Variants in KCNQ5 observed in about 807,000 individuals in gnomAD.
KCNQ5 encodes the protein potassium voltage-gated channel subfamily Q member 5.
Under a neutral mutation model 98.2 loss-of-function variants are expected in KCNQ5, and 30 were observed. The ratio of observed to expected loss-of-function variants is 0.31; its 90% confidence interval spans 0.23 to 0.41. The LOEUF is 0.41. Ranked by LOEUF, KCNQ5 falls within the 10% of genes least tolerant of loss-of-function variation. The pLI, the probability that KCNQ5 is intolerant of heterozygous loss-of-function variation, is 1.00. For synonymous variants in KCNQ5, 458 were observed against 449.4 expected, an observed-to-expected ratio of 1.02 and a Z score of -0.24; for missense variants, 835 against 1,182.5, an observed-to-expected ratio of 0.71 and a Z score of 4.31.
rs1554203585 is a variant in KCNQ5 at position 73,063,721 on chromosome 6, T to TAGATAGATAGATAGATGATA, written c.617-13601_617-13600insAGATAGATAGATAGATGATA. Among the ~76,000 whole-genome samples, 209 of 95,998 alleles carry TAGATAGATAGATAGATGATA rather than the reference T, an allele frequency of 2.2e-3. 1 individual carries two copies. The highest frequency in any genetic ancestry group is 3.2e-3 in the Admixed American group (29 of 9,190). 63.0% of individuals were successfully genotyped at this position (95,998 alleles called of 152,430 possible). A position where few individuals can be genotyped will look rare whatever the true frequency, so the allele number is the denominator to read the frequency against. On this transcript the variant is annotated intron_variant, in intron 3 of 13. Coordinates refer to ENST00000370398, the MANE Select transcript of KCNQ5 (RefSeq NM_019842.4). ...ATAGATAGATAGATAGATAGATAGA[T>TAGATAGATAGATAGATGATA]GATAGATAGATAGATAGATAGATAG...
At chr6:73,012,801 A>G (rs1008261997) in intron 2 of KCNQ5, among the ~76,000 whole-genome samples, 2 of 152,072 alleles carry the variant, frequency 1.3e-5, no homozygotes, top group Admixed American at 1.3e-4. Context: ...CACATCCTGC[A>G]CGTGTACCCC....
chr6:72,900,701 T>C (rs1267261123), intron 1 of KCNQ5, among the ~76,000 whole-genome samples: 1 of 152,020 alleles, frequency 6.6e-6, no homozygotes, highest in Non-Finnish European at 1.5e-5. Context: ...ATAGTAGTTC[T>C]GCTTTTAGTT....
chr6:72,904,581 C>T (rs573508310), intron 1 of KCNQ5, among the ~76,000 whole-genome samples: 50 of 152,270 alleles, frequency 3.3e-4, no homozygotes, highest in Middle Eastern at 3.4e-3. Context: ...ATTCTCTCAG[C>T]ATTTGTTTTT....
At chr6:73,174,509 A>T (rs1778141102) in intron 11 of KCNQ5, among the ~76,000 whole-genome samples, 1 of 152,192 alleles carries the variant, frequency 6.6e-6, no homozygotes, top group Non-Finnish European at 1.5e-5. Context: ...TTTCTTTCCC[A>T]GGCCAGACTA....
chr6:73,120,362 G>A, intron 7 of KCNQ5, 121 bp from the exon 8 acceptor site: 1 of 604,454 alleles, frequency 1.7e-6, no homozygotes, highest in Non-Finnish European at 2.7e-6. Context: ...GTATTTATCA[G>A]GGCTAAGTAT....
intron 1 of KCNQ5, among the ~76,000 whole-genome samples, chr6:72,981,528 T>C (rs1768450045): frequency 6.6e-6 from 1 of 152,050 alleles, no homozygotes; most frequent in African/African-American, 2.4e-5. Context: ...TTTTATTGCA[T>C]CTATTTGATT....
At chr6:72,767,509 A>C (rs1287679049) in intron 1 of KCNQ5, among the ~76,000 whole-genome samples, 1 of 151,984 alleles carries the variant, frequency 6.6e-6, no homozygotes, top group East Asian at 1.9e-4. Flanking sequence ...AAGTTAAAAA[A>C]TTTTTGTGCT....
chr6:73,100,103 A>G (rs1180233958), intron 5 of KCNQ5, among the ~76,000 whole-genome samples: 1 of 152,250 alleles, frequency 6.6e-6, no homozygotes, highest in Non-Finnish European at 1.5e-5. Flanking sequence ...CAATGGGTCA[A>G]TGAAGAGATT....
chr6:72,665,385 A>C (rs1022297289), intron 1 of KCNQ5, among the ~76,000 whole-genome samples: 2 of 151,486 alleles, frequency 1.3e-5, no homozygotes, highest in Admixed American at 1.3e-4. Context: ...CTGTGAGTTG[A>C]GGATAAAACC....
At chr6:72,815,653 G>A (rs1775472237) in intron 1 of KCNQ5, among the ~76,000 whole-genome samples, 1 of 152,160 alleles carries the variant, frequency 6.6e-6, no homozygotes, top group African/African-American at 2.4e-5. Flanking sequence ...CAGAGTAGTA[G>A]CATGATCAGA....
intron 1 of KCNQ5, among the ~76,000 whole-genome samples, chr6:72,689,246 A>C (rs941079123): frequency 1.3e-5 from 2 of 152,234 alleles, no homozygotes; most frequent in African/African-American, 4.8e-5. Flanking sequence ...AGAATGAGTA[A>C]GAGCAGAGAC....
chr6:72,809,371 A>G (rs926995708), intron 1 of KCNQ5, among the ~76,000 whole-genome samples: 5 of 151,832 alleles, frequency 3.3e-5, no homozygotes, highest in African/African-American at 9.7e-5. Context: ...GTGCACATGT[A>G]CCCTAAAACT....
intron 10 of KCNQ5, among the ~76,000 whole-genome samples, chr6:73,149,160 A>G (rs1363141247): frequency 6.6e-6 from 1 of 152,212 alleles, no homozygotes; most frequent in African/African-American, 2.4e-5. Flanking sequence ...TAGTGAAATG[A>G]AACAAGATGG....
intron 1 of KCNQ5, among the ~76,000 whole-genome samples, chr6:72,653,700 G>T (rs1307335199): frequency 6.6e-6 from 1 of 151,804 alleles, no homozygotes; most frequent in Non-Finnish European, 1.5e-5. Context: ...TCTTGCTAAG[G>T]ATACTCATTT....
At chr6:73,128,219 T>C (rs937702878) in intron 9 of KCNQ5, among the ~76,000 whole-genome samples, 4 of 152,226 alleles carry the variant, frequency 2.6e-5, no homozygotes, top group Non-Finnish European at 5.9e-5. Flanking sequence ...GCCTGCTGTT[T>C]TTTCCTCTAC....
At chr6:72,804,436 T>G (rs1392584723) in intron 1 of KCNQ5, among the ~76,000 whole-genome samples, 1 of 152,108 alleles carries the variant, frequency 6.6e-6, no homozygotes, top group Non-Finnish European at 1.5e-5. Context: ...CTTGTCTTTA[T>G]GTGCCTGGCT....
chr6:73,192,652 T>A lies in KCNQ5; in HGVS notation c.1797T>A (p.Asp599Glu). Residue 599 changes from aspartate (D) to glutamate (E), a missense_variant, in exon 13 of 14, where the codon GAT (aspartate) becomes GAA (glutamate). Physicochemically the swap from Asp to Glu is conservative, Grantham distance 45 (BLOSUM62 2). This residue lies in a region of KCNQ5 where 416 missense variants were observed against 446.9 expected (regional missense o/e 0.93). Transcript: ENST00000370398. ...CAGCAGAACATGAGACCACAGACGA[T>A]CTCAGTATGCTCGGTCGGGTGGTCA... is the stretch of plus-strand genomic sequence containing the variant. ...KITAEHETTD[D>E]LSMLGRVVKV... 1.9e-6 allele frequency: 3 copies of A among 1,611,274 alleles called. No individual in the cohort carries two copies. The highest frequency in any genetic ancestry group is 2.5e-6 in the Non-Finnish European group (3 of 1,178,638).
chr6:72,650,012 A>G (rs951351409), intron 1 of KCNQ5, among the ~76,000 whole-genome samples: 12 of 152,094 alleles, frequency 7.9e-5, no homozygotes, highest in Admixed American at 6.6e-5. Flanking sequence ...TTTACTCATT[A>G]TTTACACAGC....
intron 1 of KCNQ5, among the ~76,000 whole-genome samples, chr6:72,785,766 A>G (rs1007552391): frequency 2.6e-5 from 4 of 152,230 alleles, no homozygotes; most frequent in Admixed American, 2.6e-4. Flanking sequence ...GCACCTGATT[A>G]ACATTTAGCC....
Sources: allele counts gnomAD v4.1 joint callset (sites outside exome capture counted in the v4.1 genomes callset), GRCh38; gene constraint gnomAD v4.1.1; regional missense constraint gnomAD v4.1.1; transcripts MANE v1.5; gene names NCBI Gene and HGNC (gene_info 2026-07-23, HGNC 2026-07-21).